NACA2: variants seen among roughly 807,000 people sequenced by gnomAD.
The protein encoded by NACA2 is nascent polypeptide associated complex subunit alpha 2.
NACA2 carries 9 observed loss-of-function variants against 15.6 expected under a neutral mutation model. The observed-to-expected ratio is 0.58, with a 90% CI of 0.35 to 1.00. The LOEUF (loss-of-function observed/expected upper bound fraction) is 1.00. NACA2 is among the 50% of genes least tolerant of loss of function. The pLI is 0.02. For synonymous variants in NACA2, 111 were observed against 100.5 expected (o/e 1.10, Z -0.62); for missense variants, 258 against 257.5 (o/e 1.00, Z -0.01).
Position 61,591,010 on chromosome 17 carries a change from A to G in NACA2, c.171T>C (p.Ala57=). 1 of 1,614,116 alleles carries G rather than the reference A, an allele frequency of 6.2e-7. No homozygotes were observed. Among genetic ancestry groups the G allele is most frequent in the Non-Finnish European group, 8.5e-7 (1 of 1,180,026 alleles). Residue 57 remains alanine, a synonymous_variant, in exon 1 of 1, where the codon GCT becomes GCC. Coordinates refer to ENST00000521764, the MANE Select transcript of NACA2 (RefSeq NM_199290.4). ...TTQKAWLVAA[A]EIDEEPVGKA... is the part of the protein sequence containing the mutation. ...TACCGACTGGTTCTTCATCAATTTCAGCTGCTGCCACCAGCCAGGCTTTTT... is the reference window on the plus strand; with the variant it reads ...TACCGACTGGTTCTTCATCAATTTCGGCTGCTGCCACCAGCCAGGCTTTTT...
Position 61,591,151 on chromosome 17 carries a change from A to T in NACA2, c.30T>A (p.Pro10=), listed in dbSNP as rs749694966. The stretch of plus-strand genomic sequence containing the variant: ...ACTGCGGCAACTCCTGCTCTGTAGC[A>T]GGGACGGTTTCTGTGGCTTCGCCCG... MPGEATETV[P]ATEQELPQSQ... is the part of the protein sequence containing the mutation. The change falls in exon 1 of 1, where the codon CCT becomes CCA. Residue 10 remains proline, a synonymous_variant. Coordinates refer to ENST00000521764, the MANE Select transcript of NACA2 (RefSeq NM_199290.4). 2.5e-6 allele frequency: 4 copies of T among 1,614,280 alleles called. No individual in the cohort carries two copies. Among genetic ancestry groups the T allele is most frequent in the Non-Finnish European group, 1.7e-6 (2 of 1,180,054 alleles).
rs755676011 is a variant in NACA2, at chr17:61,591,212, G to A, written c.-32C>T. 6 of 1,613,564 alleles carry A rather than the reference G, an allele frequency of 3.7e-6. No homozygotes were observed. The highest frequency in any genetic ancestry group is 5.1e-6 in the Non-Finnish European group (6 of 1,180,048). On this transcript the variant is annotated 5_prime_UTR_variant, in exon 1 of 1. Transcript: ENST00000521764. ...CAGGGAACGCGGAAGCAAGATGGCG[G>A]CAGAAAGAGCGCGAGCGAGAGCGTG...
At position 61,591,199 on chromosome 17, in the gene NACA2, A is replaced by C. The variant is rs373352747; in HGVS notation, c.-19T>G. 81 of 1,614,048 alleles carry C rather than the reference A, an allele frequency of 5.0e-5. No homozygotes were observed. The highest frequency in any genetic ancestry group is 6.7e-5 in the East Asian group (3 of 44,878). ...CCGGCATTTTGTGCAGGGAACGCGG[A>C]AGCAAGATGGCGGCAGAAAGAGCGC... On this transcript the variant is annotated 5_prime_UTR_variant, in exon 1 of 1. Coordinates refer to ENST00000521764, the MANE Select transcript of NACA2 (RefSeq NM_199290.4).
In NACA2 at chr17:61,590,721, G is replaced by C; in HGVS notation, c.460C>G (p.Gln154Glu). The C allele has an allele frequency of 1.2e-6, 2 of 1,614,102 alleles. No individual in the cohort carries two copies. The highest frequency in any genetic ancestry group is 1.7e-6 in the Non-Finnish European group (2 of 1,180,014). The change falls in exon 1 of 1, where the codon CAA (glutamine) becomes GAA (glutamate). Residue 154 changes from glutamine (Q) to glutamate (E), a missense_variant. Physicochemically the swap from Gln to Glu is conservative, Grantham distance 29 (BLOSUM62 2). Coordinates refer to ENST00000521764, the MANE Select transcript of NACA2 (RefSeq NM_199290.4). ...RVQGEAVGNI[Q>E]ENTQTPTVQE... ...ACAGTTGGAGTCTGTGTGTTTTCTT[G>C]AATGTTTCCGACAGCTTCACCTTGA...
At position 61,591,118 on chromosome 17, in the gene NACA2, A is replaced by T; in HGVS notation, c.63T>A (p.Ala21=). The T allele has an allele frequency of 6.2e-7, 1 of 1,614,266 alleles. No homozygotes were observed. The highest frequency in any genetic ancestry group is 8.5e-7 in the Non-Finnish European group (1 of 1,180,046). The change falls in exon 1 of 1, where the codon GCT becomes GCA. Residue 21 remains alanine (A), a synonymous_variant. Transcript: ENST00000521764. ...CAGATGCTGTTCCAGACCCTGTCTC[A>T]GCCTGGGACTGCGGCAACTCCTGCT... is the stretch of plus-strand genomic sequence containing the variant. ...ATEQELPQSQ[A]ETGSGTASDS... is the part of the protein sequence containing the mutation.
Position 61,591,071 on chromosome 17 carries a change from C to G in NACA2, c.110G>C (p.Gly37Ala). ...CTGGGTGGAATCCTGTTCTTCAATCCCTGGTACTGATTCACCACTATCAGA... is the reference window on the plus strand; with the variant it reads ...CTGGGTGGAATCCTGTTCTTCAATCGCTGGTACTGATTCACCACTATCAGA... ...TASDSGESVPGIEEQDSTQTT... is the reference protein window; with the variant it reads ...TASDSGESVPAIEEQDSTQTT... Residue 37 changes from glycine (G) to alanine (A), a missense_variant, in exon 1 of 1, where the codon GGG becomes GCG. By Grantham distance (60) the Gly-to-Ala change is moderately conservative. Coordinates refer to ENST00000521764, the MANE Select transcript of NACA2 (RefSeq NM_199290.4). 6.2e-7 allele frequency: 1 copy of G among 1,614,222 alleles called. No homozygotes were observed. Among genetic ancestry groups the G allele is most frequent in the Non-Finnish European group, 8.5e-7 (1 of 1,180,046 alleles).
In NACA2 at chr17:61,590,608, C is replaced by A. The variant is rs759910111; in HGVS notation, c.573G>T (p.Ser191=). 2 of 1,614,150 alleles carry A rather than the reference C, an allele frequency of 1.2e-6. No homozygotes were observed. The highest frequency in any genetic ancestry group is 1.3e-5 in the African/African-American group (1 of 75,036). The change falls in exon 1 of 1, where the codon TCG becomes TCT. Residue 191 remains serine (S), a synonymous_variant. Transcript: ENST00000521764. Reference sequence around the variant, plus strand: ...TCAGAGCTCGGACTGCCTTTGCTCTCGACACATTTGCTTGTGACATGACCA... The same window carrying A: ...TCAGAGCTCGGACTGCCTTTGCTCTAGACACATTTGCTTGTGACATGACCA... ...VKLVMSQANV[S]RAKAVRALKN...
Position 61,591,103 on chromosome 17 carries a change from T to C in NACA2, c.78A>G (p.Gly26=). The change falls in exon 1 of 1, where the codon GGA becomes GGG. Residue 26 remains glycine, a synonymous_variant. Transcript: ENST00000521764. ...LPQSQAETGS[G]TASDSGESVP... ...CTGATTCACCACTATCAGATGCTGTTCCAGACCCTGTCTCAGCCTGGGACT... is the reference window on the plus strand; with the variant it reads ...CTGATTCACCACTATCAGATGCTGTCCCAGACCCTGTCTCAGCCTGGGACT... 4 of 1,614,262 alleles carry C rather than the reference T, an allele frequency of 2.5e-6. No individual in the cohort carries two copies. The highest frequency in any genetic ancestry group is 3.4e-6 in the Non-Finnish European group (4 of 1,180,042).
Position 61,591,140 on chromosome 17 carries a change from T to C in NACA2, c.41A>G (p.Gln14Arg). 1 of 1,614,264 alleles carries C rather than the reference T, an allele frequency of 6.2e-7. No homozygotes were observed. The highest frequency in any genetic ancestry group is 8.5e-7 in the Non-Finnish European group (1 of 1,180,042). ...EATETVPATE[Q>R]ELPQSQAETG... is the part of the protein sequence containing the mutation. ...CTCAGCCTGGGACTGCGGCAACTCC[T>C]GCTCTGTAGCAGGGACGGTTTCTGT... The change falls in exon 1 of 1, where the codon CAG becomes CGG. Residue 14 changes from glutamine to arginine, a missense_variant. Transcript: ENST00000521764.
Position 61,590,941 on chromosome 17 carries a change from C to T in NACA2, c.240G>A (p.Met80Ile). 6.2e-7 allele frequency: 1 copy of T among 1,614,234 alleles called. No homozygotes were observed. The highest frequency in any genetic ancestry group is 1.1e-5 in the South Asian group (1 of 91,090). Residue 80 changes from methionine to isoleucine, a missense_variant, in exon 1 of 1, where the codon ATG becomes ATA. Transcript: ENST00000521764. ...TAACCTGTAGAAGACCCAGTTTGGACATAGCCTTCCGTGCCCTCTTTTCAC... is the reference window on the plus strand; with the variant it reads ...TAACCTGTAGAAGACCCAGTTTGGATATAGCCTTCCGTGCCCTCTTTTCAC... ...SRSEKRARKAMSKLGLLQVTG... is the reference protein window; with the variant it reads ...SRSEKRARKAISKLGLLQVTG...
chr17:61,590,621 T>A lies in NACA2; in HGVS notation c.560A>T (p.Gln187Leu), dbSNP rs1384051114. The change falls in exon 1 of 1, where the codon CAA becomes CTA. Residue 187 changes from glutamine to leucine, a missense_variant. Coordinates refer to ENST00000521764, the MANE Select transcript of NACA2 (RefSeq NM_199290.4). ...TGCCTTTGCTCTCGACACATTTGCT[T>A]GTGACATGACCAATTTCACGTCTTT... ...EVKDVKLVMS[Q>L]ANVSRAKAVR... The A allele has an allele frequency of 6.2e-7, 1 of 1,614,212 alleles. No homozygotes were observed. Among genetic ancestry groups the A allele is most frequent in the Non-Finnish European group, 8.5e-7 (1 of 1,180,038 alleles).
chr17:61,590,487 C>G lies in NACA2; in HGVS notation c.*46G>C. 6.4e-7 allele frequency: 1 copy of G among 1,563,492 alleles called. No individual in the cohort carries two copies. On this transcript the variant is annotated 3_prime_UTR_variant, in exon 1 of 1. Transcript: ENST00000521764. ...GAAACAGTACAAATTTCAAACCAAG[C>G]TGCAGTTACTCCTTTGAGACACCAA...
At position 61,590,900 on chromosome 17, in the gene NACA2, ACT is replaced by A; in HGVS notation, c.279_280del (p.Arg93SerfsTer7). The A allele has an allele frequency of 6.2e-7, 1 of 1,614,098 alleles. No individual in the cohort carries two copies. Among genetic ancestry groups the A allele is most frequent in the Non-Finnish European group, 8.5e-7 (1 of 1,180,030 alleles). On this transcript the variant is annotated frameshift_variant, in exon 1 of 1. Coordinates refer to ENST00000521764, the MANE Select transcript of NACA2 (RefSeq NM_199290.4). LOFTEE classifies it high-confidence loss of function. ...GATATTCTTAGATTTCCAGATAGTG[ACT>A]CTAGTAACTCCTGTAACCTGTAGAA... is the stretch of plus-strand genomic sequence containing the variant.
In NACA2 at chr17:61,590,797, G is replaced by C. The variant is rs1003918306; in HGVS notation, c.384C>G (p.Ile128Met). The change falls in exon 1 of 1, where the codon ATC becomes ATG. Residue 128 changes from isoleucine (I) to methionine (M), a missense_variant. Ile to Met is a conservative substitution (Grantham distance 10). Coordinates refer to ENST00000521764, the MANE Select transcript of NACA2 (RefSeq NM_199290.4). ...DAYIVFGEAK[I>M]QDLSQQAQLA... ...GTTGTGCTTGCTGAGATAAATCTTG[G>C]ATCTTGGCTTCCCCAAAAACTATGT... The C allele has an allele frequency of 3.1e-6, 5 of 1,614,056 alleles. No homozygotes were observed. Among genetic ancestry groups the C allele is most frequent in the Non-Finnish European group, 4.2e-6 (5 of 1,180,056 alleles).
At position 61,590,606 on chromosome 17, in the gene NACA2, C is replaced by T. The variant is rs144312654; in HGVS notation, c.575G>A (p.Arg192Lys). 1.9e-6 allele frequency: 3 copies of T among 1,614,086 alleles called. No individual in the cohort carries two copies. The highest frequency in any genetic ancestry group is 2.7e-5 in the African/African-American group (2 of 74,930). ...CTTCAGAGCTCGGACTGCCTTTGCT[C>T]TCGACACATTTGCTTGTGACATGAC... Reference protein sequence around the residue: ...KLVMSQANVSRAKAVRALKNN... With the variant: ...KLVMSQANVSKAKAVRALKNN... The change falls in exon 1 of 1, where the codon AGA becomes AAA. Residue 192 changes from arginine (R) to lysine (K), a missense_variant. Arg to Lys is a conservative substitution (Grantham distance 26, BLOSUM62 2). Transcript: ENST00000521764.
chr17:61,590,673 C>CGAAG lies in NACA2; in HGVS notation c.507_508insCTTC (p.Glu170LeufsTer5). On this transcript the variant is annotated frameshift_variant, in exon 1 of 1. Coordinates refer to ENST00000521764, the MANE Select transcript of NACA2 (RefSeq NM_199290.4). LOFTEE classifies it high-confidence loss of function. ...ACTTCTACACCTGTTTCATCGACCT[C>CGAAG]TTCCTCTTCACTCTCCTCTTGTACA... The CGAAG allele has an allele frequency of 6.2e-7, 1 of 1,614,168 alleles. No homozygotes were observed. Among genetic ancestry groups the CGAAG allele is most frequent in the Non-Finnish European group, 8.5e-7 (1 of 1,180,008 alleles).
In NACA2 at chr17:61,590,909, A is replaced by T; in HGVS notation, c.272T>A (p.Val91Asp). The T allele has an allele frequency of 6.2e-7, 1 of 1,614,082 alleles. No homozygotes were observed. The highest frequency in any genetic ancestry group is 8.5e-7 in the Non-Finnish European group (1 of 1,180,008). The change falls in exon 1 of 1, where the codon GTT becomes GAT. Residue 91 changes from valine to aspartate, a missense_variant. Transcript: ENST00000521764. ...AGATTTCCAGATAGTGACTCTAGTA[A>T]CTCCTGTAACCTGTAGAAGACCCAG... is the stretch of plus-strand genomic sequence containing the variant. ...SKLGLLQVTGVTRVTIWKSKN... is the reference protein window; with the variant it reads ...SKLGLLQVTGDTRVTIWKSKN...
rs2060999236 is a variant in NACA2, at chr17:61,591,190, G to A, written c.-10C>T. ...TGGCTTCGCCCGGCATTTTGTGCAG[G>A]GAACGCGGAAGCAAGATGGCGGCAG... On this transcript the variant is annotated 5_prime_UTR_variant, in exon 1 of 1. Coordinates refer to ENST00000521764, the MANE Select transcript of NACA2 (RefSeq NM_199290.4). 2 of 1,614,150 alleles carry A rather than the reference G, an allele frequency of 1.2e-6. No homozygotes were observed. Among genetic ancestry groups the A allele is most frequent in the South Asian group, 2.2e-5 (2 of 91,086 alleles).
At position 61,591,156 on chromosome 17, in the gene NACA2, C is replaced by G. The variant is rs61748812; in HGVS notation, c.25G>C (p.Val9Leu). 6.8e-6 allele frequency: 11 copies of G among 1,614,238 alleles called. No individual in the cohort carries two copies. Among genetic ancestry groups the G allele is most frequent in the Non-Finnish European group, 9.3e-6 (11 of 1,180,042 alleles). ...GGCAACTCCTGCTCTGTAGCAGGGA[C>G]GGTTTCTGTGGCTTCGCCCGGCATT... MPGEATET[V>L]PATEQELPQS... The change falls in exon 1 of 1, where the codon GTC becomes CTC. Residue 9 changes from valine to leucine, a missense_variant. Transcript: ENST00000521764.
Sources: gnomAD v4.1 joint callset for allele counts on GRCh38, gnomAD v4.1.1 for gene constraint, MANE v1.5 for transcripts, NCBI Gene and HGNC (gene_info 2026-07-23, HGNC 2026-07-21) for gene names.